HMGXB3: variants seen among roughly 807,000 people sequenced by gnomAD.
The protein encoded by HMGXB3 is HMG domain-containing protein 3.
In HMGXB3, 45 loss-of-function variants were observed where a neutral mutation model predicts 121.5. The observed-to-expected ratio is 0.37, with a 90% confidence interval of 0.29 to 0.47. The LOEUF is 0.47. HMGXB3 is among the 20% of genes least tolerant of loss of function. The pLI is 0.99. For missense variants in HMGXB3, 1,376 were observed against 1,602.2 expected (o/e 0.86, Z 2.41); for synonymous variants, 590 against 624.1 (o/e 0.95, Z 0.81).
intron 14 of HMGXB3, 80 bp from the exon 15 acceptor site, chr5:150,041,705 A>G (rs557819241): frequency 8.9e-5 from 91 of 1,018,852 alleles, no homozygotes; most frequent in Non-Finnish European, 1.3e-4. Flanking sequence ...GAATTGCTCT[A>G]CTTACTACCC....
intron 6 of HMGXB3, among the ~76,000 whole-genome samples, chr5:150,024,016 A>G (rs1364735282): frequency 6.6e-6 from 1 of 152,280 alleles, no homozygotes; most frequent in African/African-American, 2.4e-5. Context: ...CTTTTCAATA[A>G]GAATTCATTA....
In HMGXB3 at chr5:150,050,262, G is replaced by A; in HGVS notation, c.3212G>A (p.Gly1071Asp). 3.9e-6 allele frequency: 6 copies of A among 1,551,880 alleles called. No individual in the cohort carries two copies. Among genetic ancestry groups the A allele is most frequent in the Non-Finnish European group, 5.2e-6 (6 of 1,147,002 alleles). The change falls in exon 19 of 20, where the codon GGC (glycine) becomes GAC (aspartate). Residue 1071 changes from glycine (G) to aspartate (D), a missense_variant. By Grantham distance (94) the Gly-to-Asp change is moderately conservative. Around this residue, in one of 2 missense-constraint regions of HMGXB3, gnomAD observed 1,116 missense variants for 1,369.0 expected, o/e 0.82. Transcript: ENST00000502717. Reference protein sequence around the residue: ...YKVCPHQVVCGSKYLVRGESA... With the variant: ...YKVCPHQVVCDSKYLVRGESA... ...CCCTTCATCTCCCAGGTGGTCTGCG[G>A]CTCCAAGTATCTTGTGCGAGGTGAG...
At chr5:150,018,897 T>C (rs2113735580) in intron 6 of HMGXB3, among the ~76,000 whole-genome samples, 200 bp downstream of exon 6, 1 of 152,324 alleles carries the variant, frequency 6.6e-6, no homozygotes, top group Non-Finnish European at 1.5e-5. Context: ...TCATATACCA[T>C]CCAAAGAAAA....
chr5:150,045,573 T>A lies in HMGXB3; in HGVS notation c.2838T>A (p.Pro946=), dbSNP rs1416757746. The part of the protein sequence containing the change: ...IEQVAFPASI[P]ITKFDASVIA... ...AGGTGGCATTTCCTGCCAGCATCCC[T>A]ATCACCAAATTTGATGCGTCTGTTA... The change falls in exon 16 of 20, where the codon CCT becomes CCA. Residue 946 remains proline, a synonymous_variant. Transcript: ENST00000502717. 1.3e-6 allele frequency: 2 copies of A among 1,552,124 alleles called. No individual in the cohort carries two copies. The highest frequency in any genetic ancestry group is 2.4e-5 in the East Asian group (1 of 40,922).
chr5:150,030,749 T>A lies in HMGXB3; in HGVS notation c.1743T>A (p.Ser581Arg). The change falls in exon 10 of 20, where the codon AGT becomes AGA. Residue 581 changes from serine (S) to arginine (R), a missense_variant. Physicochemically the swap from Ser to Arg is moderately radical, Grantham distance 110 (BLOSUM62 -1). Around this residue, in one of 2 missense-constraint regions of HMGXB3, gnomAD observed 1,116 missense variants for 1,369.0 expected, o/e 0.82. Coordinates refer to ENST00000502717, the MANE Select transcript of HMGXB3 (RefSeq NM_014983.3). ...TTTGTTCTGATCCACAGCTACCAAG[T>A]GGCCCATCCAACAGGACTTCTCAGG... ...PSGPGEVKLPSGPSNRTSQVK... is the reference protein window; with the variant it reads ...PSGPGEVKLPRGPSNRTSQVK... The A allele has an allele frequency of 6.4e-7, 1 of 1,551,950 alleles. No individual in the cohort carries two copies. Among genetic ancestry groups the A allele is most frequent in the Non-Finnish European group, 8.7e-7 (1 of 1,146,842 alleles).
At chr5:150,043,592 TATCTC>T (rs779455125) in intron 15 of HMGXB3, among the ~76,000 whole-genome samples, 5 of 152,254 alleles carry the variant, frequency 3.3e-5, no homozygotes, top group Non-Finnish European at 7.3e-5. Flanking sequence ...TTGTTTGTGT[TATCTC>T]ATCTAGAGGC....
Position 150,052,021 on chromosome 5 carries a change from C to T in HMGXB3, c.3708C>T (p.Asp1236=), listed in dbSNP as rs1176280465. 3 of 1,551,998 alleles carry T rather than the reference C, an allele frequency of 1.9e-6. No individual in the cohort carries two copies. In the Admixed American group the frequency reaches 5.9e-5, roughly 30 times the overall value. ...ATTACCTCTACAACCGCCTCATGGA[C>T]TTCCTCACCAGCCGCGAAATTGTCA... ...THYYLYNRLM[D]FLTSREIVNR... is the part of the protein sequence containing the mutation. The change falls in exon 20 of 20, where the codon GAC becomes GAT. Residue 1236 remains aspartate (D), a synonymous_variant. Transcript: ENST00000502717.
In HMGXB3 at chr5:150,013,538, A is replaced by G. The variant is rs72832121; in HGVS notation, c.909+1185A>G. Among the ~76,000 whole-genome samples, 65 of 152,294 alleles carry G rather than the reference A, an allele frequency of 4.3e-4. No individual in the cohort carries two copies. In the East Asian group the frequency reaches 9.6e-3, roughly 23 times the overall value. ...TATACAGTCTCTGTCCACTTTTCAT[A>G]TCAGGGTAATGCTTGCCTCTTAAAA... On this transcript the variant is annotated intron_variant, in intron 5 of 19. Transcript: ENST00000502717.
intron 14 of HMGXB3, 28 bp from the exon 15 acceptor site, chr5:150,041,757 C>T (rs1448613542): frequency 6.5e-7 from 1 of 1,537,630 alleles, no homozygotes; most frequent in South Asian, 1.2e-5. Flanking sequence ...TTTCTGTGCC[C>T]TTCTCAGTGT....
intron 3 of HMGXB3, among the ~76,000 whole-genome samples, chr5:150,008,055 T>TCACACACACA (rs70973560): frequency 6.9e-5 from 9 of 130,028 alleles, no homozygotes; most frequent in African/African-American, 2.4e-4. Context: ...AGACTCTGTT[T>TCACACACACA]CACACACACA....
In HMGXB3 at chr5:150,026,750, G is replaced by T. The variant is rs1456640430; in HGVS notation, c.1505G>T (p.Gly502Val). ...GGGTCCAGAGCTCCAGAGCTTAAAG[G>T]CAGAGCACGGGGCAAGCCCTCATTA... Reference protein sequence around the residue: ...TPGSRAPELKGRARGKPSLLA... With the variant: ...TPGSRAPELKVRARGKPSLLA... Residue 502 changes from glycine to valine, a missense_variant, in exon 8 of 20, where the codon GGC becomes GTC. By Grantham distance (109) the Gly-to-Val change is moderately radical. Transcript: ENST00000502717. 6 of 1,551,436 alleles carry T rather than the reference G, an allele frequency of 3.9e-6. No individual in the cohort carries two copies. In the East Asian group the frequency reaches 1.5e-4, roughly 38 times the overall value.
intron 5 of HMGXB3, chr5:150,015,195 G>C (rs1043916628): frequency 3.7e-6 from 1 of 269,092 alleles, no homozygotes; most frequent in Non-Finnish European, 7.0e-6. Flanking sequence ...CCATGGTCAC[G>C]TGTGTTCTTC....
rs1756914472 is a variant in HMGXB3 at position 150,051,912 on chromosome 5, A to G, written c.3599A>G (p.Tyr1200Cys). 1.3e-6 allele frequency: 2 copies of G among 1,552,068 alleles called. No homozygotes were observed. Among genetic ancestry groups the G allele is most frequent in the Admixed American group, 3.9e-5 (2 of 51,010 alleles). ...GCCCTGTGCCCTGAATTGGCACCTT[A>G]CGCAACCATCCTGGCCTCCATCGTG... ...SLALCPELAP[Y>C]ATILASIVDS... Residue 1200 changes from tyrosine (Y) to cysteine (C), a missense_variant, in exon 20 of 20, where the codon TAC becomes TGC. This residue lies in a region of HMGXB3 where 260 missense variants were observed against 233.2 expected (regional missense o/e 1.11). Transcript: ENST00000502717.
rs1165785319 is a variant in HMGXB3 at position 150,037,540 on chromosome 5, C to A, written c.2413+13C>A. ...GACATCTACACAGGTGGGTGCCAAC[C>A]TTCTCTTCCCTCAGAGCATCCCAAA... On this transcript the variant is annotated intron_variant, in intron 13 of 19. Coordinates refer to ENST00000502717, the MANE Select transcript of HMGXB3 (RefSeq NM_014983.3). The A allele has an allele frequency of 1.6e-5, 25 of 1,515,394 alleles. No homozygotes were observed. The East Asian group carries it at 2.8e-4, about 17-fold the overall frequency. 93.9% of individuals were successfully genotyped at this position (1,515,394 alleles called of 1,614,324 possible).
In HMGXB3 at chr5:150,032,541, A is replaced by T. The variant is rs1007020655; in HGVS notation, c.1921A>T (p.Ile641Phe). 1.1e-5 allele frequency: 17 copies of T among 1,552,062 alleles called. No homozygotes were observed. The African/African-American group carries it at 2.2e-4, about 20-fold the overall frequency. The change falls in exon 11 of 20, where the codon ATT becomes TTT. Residue 641 changes from isoleucine to phenylalanine, a missense_variant. Physicochemically the swap from Ile to Phe is conservative, Grantham distance 21 (BLOSUM62 0). This residue lies in a region of HMGXB3 where 1,116 missense variants were observed against 1,369.0 expected (regional missense o/e 0.82). Coordinates refer to ENST00000502717, the MANE Select transcript of HMGXB3 (RefSeq NM_014983.3). Reference sequence around the variant, plus strand: ...CTACACCAACAGGCACAAACCTCGAATTTGTCCCAGCTGTGGTGTTAACCT... The same window carrying T: ...CTACACCAACAGGCACAAACCTCGATTTTGTCCCAGCTGTGGTGTTAACCT... ...YVYTNRHKPR[I>F]CPSCGVNLAK...
chr5:150,040,613 A>G (rs1435389366), intron 13 of HMGXB3, 135 bp from the exon 14 acceptor site: 1 of 839,878 alleles, frequency 1.2e-6, no homozygotes, highest in Non-Finnish European at 1.8e-6. Flanking sequence ...CCTGGGCTCA[A>G]GCGATCCTCC....
At chr5:150,040,603 C>T in intron 13 of HMGXB3, 145 bp from the exon 14 acceptor site, 1 of 752,772 alleles carries the variant, frequency 1.3e-6, no homozygotes, top group Non-Finnish European at 2.1e-6. Context: ...GTCGACAACT[C>T]CTGGGCTCAA....
chr5:150,014,066 T>C (rs192702984), intron 5 of HMGXB3, among the ~76,000 whole-genome samples: 2 of 152,382 alleles, frequency 1.3e-5, no homozygotes, highest in Non-Finnish European at 2.9e-5. Flanking sequence ...ACTACCTGTG[T>C]GGAAAAATTC....
rs1359143391 is a variant in HMGXB3, at chr5:150,018,616, C to T, written c.960C>T (p.Cys320=). ...RGHGTCTSPG[C]SFTYVTRHKP... is the part of the protein sequence containing the mutation. ...ATGGGACATGCACCAGCCCAGGGTG[C>T]TCCTTTACATATGTCACCAGGCACA... is the stretch of plus-strand genomic sequence containing the variant. Residue 320 remains cysteine, a synonymous_variant, in exon 6 of 20, where the codon TGC becomes TGT. Transcript: ENST00000502717. 2 of 1,551,188 alleles carry T rather than the reference C, an allele frequency of 1.3e-6. No individual in the cohort carries two copies. The highest frequency in any genetic ancestry group is 3.9e-5 in the Admixed American group (2 of 50,952).
Sources: allele counts gnomAD v4.1 joint callset (sites outside exome capture counted in the v4.1 genomes callset), GRCh38; gene constraint gnomAD v4.1.1; regional missense constraint gnomAD v4.1.1; transcripts MANE v1.5; gene names NCBI Gene and HGNC (gene_info 2026-07-23, HGNC 2026-07-21).